ADGRB3: variants seen among roughly 807,000 people sequenced by gnomAD.
ADGRB3 encodes the protein adhesion G protein-coupled receptor B3.
ADGRB3 carries 37 observed loss-of-function variants against 193.4 expected under a neutral mutation model. The ratio of observed to expected loss-of-function variants is 0.19; its 90% CI spans 0.15 to 0.25. The LOEUF is 0.25. Among genes scored for constraint, ADGRB3 ranks in the 10% least tolerant of loss-of-function variants. The pLI is 1.00. For missense variants in ADGRB3, 1,637 were observed against 1,852.9 expected (o/e 0.88, Z 2.14); for synonymous variants, 690 against 644.2 (o/e 1.07, Z -1.08).
In ADGRB3 at chr6:68,810,577, A is replaced by T. The variant is rs563823267; in HGVS notation, c.758-119982A>T. On this transcript the variant is annotated intron_variant, in intron 3 of 31. Transcript: ENST00000370598. ...AAGTCAACGGATCTTTCCAGGTCTT[A>T]GTTTTCTCCTTTGAGAAGTGGTTTG... Among the ~76,000 whole-genome samples the T allele has an allele frequency of 3.3e-5, 5 of 152,316 alleles. No homozygotes were observed. In the South Asian group the frequency reaches 8.3e-4, roughly 25 times the overall value.
intron 3 of ADGRB3, among the ~76,000 whole-genome samples, chr6:68,880,459 G>A (rs1272475959): frequency 6.6e-6 from 1 of 152,140 alleles, no homozygotes; most frequent in East Asian, 1.9e-4. Context: ...TTTGCAATAA[G>A]TTTAAAAAAT....
intron 17 of ADGRB3, among the ~76,000 whole-genome samples, chr6:69,130,310 C>T (rs1170850670): frequency 6.6e-6 from 1 of 151,930 alleles, no homozygotes; most frequent in Non-Finnish European, 1.5e-5. Flanking sequence ...AGGATTTTAA[C>T]ATATGAATTT....
rs1328877429 is a variant in ADGRB3, at chr6:68,635,471, G to C, written c.-717G>C. The C allele has an allele frequency of 6.6e-6, 1 of 152,200 alleles. No individual in the cohort carries two copies. The highest frequency in any genetic ancestry group is 1.5e-5 in the Non-Finnish European group (1 of 68,168). The allele number at this position is 152,200 out of a possible 1,614,324, so 9.4% of individuals were successfully genotyped here. On this transcript the variant is annotated 5_prime_UTR_variant, in exon 1 of 32. Coordinates refer to ENST00000370598, the MANE Select transcript of ADGRB3 (RefSeq NM_001704.3). ...GGAGGAGGAGGGAGGAAAGCGGAAAGAGGAAAAAGCATAAGCTTGAGCCTT... is the reference window on the plus strand; with the variant it reads ...GGAGGAGGAGGGAGGAAAGCGGAAACAGGAAAAAGCATAAGCTTGAGCCTT...
intron 20 of ADGRB3, among the ~76,000 whole-genome samples, chr6:69,251,518 G>T (rs1296854760): frequency 6.6e-6 from 1 of 152,130 alleles, no homozygotes; most frequent in Non-Finnish European, 1.5e-5. Flanking sequence ...ATTTTTAAGT[G>T]AATGAAGAAA....
rs189854903 is a variant in ADGRB3, at chr6:68,871,436, G to A, written c.758-59123G>A. On this transcript the variant is annotated intron_variant, in intron 3 of 31. Coordinates refer to ENST00000370598, the MANE Select transcript of ADGRB3 (RefSeq NM_001704.3). ...TCGTTTAGAATTGTGCTGATTGCAT[G>A]GGGGAATAAAGATTCCCTTTTTCTG... Among the ~76,000 whole-genome samples, 15 of 151,982 alleles carry A rather than the reference G, an allele frequency of 9.9e-5. No homozygotes were observed. In the East Asian group the frequency reaches 2.9e-3, roughly 29 times the overall value.
intron 20 of ADGRB3, among the ~76,000 whole-genome samples, chr6:69,307,957 C>G (rs1211327993): frequency 1.3e-5 from 2 of 151,370 alleles, no homozygotes; most frequent in Non-Finnish European, 2.9e-5. Flanking sequence ...AATGTTATAC[C>G]TAGACAACAT....
At chr6:68,760,208 G>A (rs1229379255) in intron 3 of ADGRB3, among the ~76,000 whole-genome samples, 1 of 152,094 alleles carries the variant, frequency 6.6e-6, no homozygotes, top group Non-Finnish European at 1.5e-5. Context: ...AATCAAAGAT[G>A]GAGGTAAACA....
At chr6:69,310,690 A>G (rs2127300162) in intron 20 of ADGRB3, among the ~76,000 whole-genome samples, 1 of 151,804 alleles carries the variant, frequency 6.6e-6, no homozygotes, top group Middle Eastern at 3.4e-3. Flanking sequence ...ACATAACTTT[A>G]AAAATGTTCC....
At chr6:69,114,263 T>C (rs1316642226) in intron 17 of ADGRB3, among the ~76,000 whole-genome samples, 4 of 152,138 alleles carry the variant, frequency 2.6e-5, no homozygotes, top group Non-Finnish European at 4.4e-5. Flanking sequence ...AAGACAAAGA[T>C]TTTTCTTTTC....
chr6:68,676,391 A>G (rs977179012), intron 3 of ADGRB3, among the ~76,000 whole-genome samples: 68 of 66,868 alleles, frequency 1.0e-3, no homozygotes, highest in Non-Finnish European at 1.3e-3. Flanking sequence ...CTCTGTCTCA[A>G]AAAAAAAAAA....
intron 4 of ADGRB3, among the ~76,000 whole-genome samples, chr6:68,935,869 T>G (rs1767474701): frequency 6.6e-6 from 1 of 152,128 alleles, no homozygotes; most frequent in Admixed American, 6.6e-5. Context: ...ATCAAGAAAT[T>G]TTTCTTTATT....
chr6:68,770,173 G>T (rs1031114055), intron 3 of ADGRB3, among the ~76,000 whole-genome samples: 1 of 152,004 alleles, frequency 6.6e-6, no homozygotes, highest in African/African-American at 2.4e-5. Flanking sequence ...GGCTCTTATT[G>T]ATTATTTGGC....
intron 3 of ADGRB3, among the ~76,000 whole-genome samples, chr6:68,745,571 T>TA (rs1055505120): frequency 6.6e-6 from 1 of 152,150 alleles, no homozygotes; most frequent in African/African-American, 2.4e-5. Context: ...ATGTGTTTTT[T>TA]ACCTGAATTA....
chr6:68,705,897 A>C (rs911515059), intron 3 of ADGRB3, among the ~76,000 whole-genome samples: 1 of 152,184 alleles, frequency 6.6e-6, no homozygotes, highest in Non-Finnish European at 1.5e-5. Flanking sequence ...ATCAGGGGTG[A>C]GGAGTGATTC....
At chr6:69,358,300 A>T (rs1311644899) in intron 28 of ADGRB3, among the ~76,000 whole-genome samples, 1 of 151,880 alleles carries the variant, frequency 6.6e-6, no homozygotes, top group Non-Finnish European at 1.5e-5. Flanking sequence ...TATAGGAACT[A>T]GTTATAAGCC....
intron 16 of ADGRB3, among the ~76,000 whole-genome samples, chr6:69,075,767 T>A (rs1772210046): frequency 6.6e-6 from 1 of 152,156 alleles, no homozygotes; most frequent in African/African-American, 2.4e-5. Context: ...AAATACAAGT[T>A]AGAGTATTTG....
intron 20 of ADGRB3, among the ~76,000 whole-genome samples, chr6:69,252,903 C>A (rs946709789): frequency 2.0e-5 from 3 of 151,998 alleles, no homozygotes; most frequent in African/African-American, 7.2e-5. Context: ...TATCTATATT[C>A]TAAGTTTTCC....
At chr6:69,227,895 G>T (rs1029880668) in intron 17 of ADGRB3, among the ~76,000 whole-genome samples, 1 of 152,202 alleles carries the variant, frequency 6.6e-6, no homozygotes, top group Non-Finnish European at 1.5e-5. Flanking sequence ...GACTGCAAAT[G>T]AATTACGACA....
chr6:69,058,190 C>A (rs564530381), intron 15 of ADGRB3, among the ~76,000 whole-genome samples: 1 of 151,442 alleles, frequency 6.6e-6, no homozygotes, highest in South Asian at 2.1e-4. Context: ...TAAAATCTGT[C>A]TATTTCTTTT....
Sources: gnomAD v4.1 joint callset for allele counts (sites outside exome capture counted in the v4.1 genomes callset) on GRCh38, gnomAD v4.1.1 for gene constraint, MANE v1.5 for transcripts, NCBI Gene and HGNC (gene_info 2026-07-23, HGNC 2026-07-21) for gene names.